Variants in NBEA observed in about 807,000 individuals in gnomAD.
NBEA encodes the protein lysosomal-trafficking regulator 2.
NBEA carries 44 observed loss-of-function variants against 343.4 expected under a neutral mutation model. That is an observed-to-expected ratio of 0.13 (90% CI 0.10 to 0.16). The LOEUF is 0.16. Among genes scored for constraint, NBEA ranks in the 10% least tolerant of loss-of-function variants. The pLI is 1.00. For synonymous variants in NBEA, 1,175 were observed against 1,238.7 expected (o/e 0.95, Z 1.08); for missense variants, 2,555 against 3,631.3 (o/e 0.70, Z 7.62).
chr13:34,952,293 T>C (rs1755058962), intron 1 of NBEA, among the ~76,000 whole-genome samples: 3 of 152,194 alleles, frequency 2.0e-5, no homozygotes, highest in South Asian at 2.1e-4. Flanking sequence ...ATAGACAACT[T>C]AGGACAGGCT....
chr13:35,305,349 T>G (rs887380141), intron 35 of NBEA, among the ~76,000 whole-genome samples: 7 of 152,230 alleles, frequency 4.6e-5, no homozygotes, highest in Non-Finnish European at 1.0e-4. Context: ...TGCCTCTGTC[T>G]TGTTTCAGTC....
intron 1 of NBEA, among the ~76,000 whole-genome samples, chr13:34,951,233 G>A (rs150215888): frequency 1.5e-3 from 221 of 152,036 alleles, no homozygotes; most frequent in Non-Finnish European, 2.0e-3. Context: ...TTCAACAATA[G>A]GAAAACATTA....
At chr13:35,197,765 G>T (rs1289751084) in intron 31 of NBEA, among the ~76,000 whole-genome samples, 1 of 152,162 alleles carries the variant, frequency 6.6e-6, no homozygotes, top group East Asian at 1.9e-4. Flanking sequence ...CTCCCAAAGT[G>T]CTAGGATTAC....
intron 36 of NBEA, among the ~76,000 whole-genome samples, chr13:35,341,605 A>G (rs567094834): frequency 1.8e-4 from 28 of 152,212 alleles, no homozygotes; most frequent in African/African-American, 6.5e-4. Flanking sequence ...CATTTCTCCA[A>G]AGAAGACATA....
chr13:34,948,334 C>T, intron 1 of NBEA, among the ~76,000 whole-genome samples: 1 of 150,950 alleles, frequency 6.6e-6, no homozygotes, highest in Non-Finnish European at 1.5e-5. Context: ...GGGTAGCGAG[C>T]CAGAGTAGGT....
At chr13:35,623,729 T>TA (rs2083099819) in intron 48 of NBEA, among the ~76,000 whole-genome samples, 1 of 152,108 alleles carries the variant, frequency 6.6e-6, no homozygotes, top group Non-Finnish European at 1.5e-5. Context: ...GAAAAATATT[T>TA]AAAATGTCAA....
intron 10 of NBEA, among the ~76,000 whole-genome samples, chr13:35,087,855 G>A (rs2064855952): frequency 1.3e-5 from 2 of 151,816 alleles, no homozygotes; most frequent in Admixed American, 6.6e-5. Context: ...TATATTTGAC[G>A]TACATTAGAG....
chr13:35,581,692 A>G, intron 45 of NBEA, among the ~76,000 whole-genome samples: 1 of 128,482 alleles, frequency 7.8e-6, no homozygotes, highest in Non-Finnish European at 1.6e-5. Flanking sequence ...ATGAGAACAC[A>G]TGGACACAGG....
chr13:35,076,483 T>C (rs543352556), intron 10 of NBEA, among the ~76,000 whole-genome samples: 12 of 152,202 alleles, frequency 7.9e-5, no homozygotes, highest in Admixed American at 3.9e-4. Context: ...AATTTTCAAA[T>C]AGCTTTTTCT....
intron 48 of NBEA, among the ~76,000 whole-genome samples, chr13:35,620,401 TG>T (rs1452360338): frequency 4.0e-5 from 6 of 151,818 alleles, no homozygotes; most frequent in Middle Eastern, 3.4e-3. Context: ...AAGAGCATGG[TG>T]GGCAAAGGGA....
chr13:35,625,161 C>G (rs190034352), intron 48 of NBEA, among the ~76,000 whole-genome samples: 1 of 152,162 alleles, frequency 6.6e-6, no homozygotes, highest in East Asian at 1.9e-4. Flanking sequence ...CTCTATAATT[C>G]AAGACAAAAC....
intron 31 of NBEA, among the ~76,000 whole-genome samples, chr13:35,208,047 C>T (rs2073512784): frequency 1.3e-5 from 2 of 151,966 alleles, no homozygotes; most frequent in African/African-American, 4.8e-5. Context: ...TAGTGAAACC[C>T]CGTCTCTACT....
intron 40 of NBEA, among the ~76,000 whole-genome samples, chr13:35,461,666 T>C (rs1403448034): frequency 2.0e-5 from 3 of 152,222 alleles, no homozygotes; most frequent in Non-Finnish European, 4.4e-5. Context: ...CTCTTCATTA[T>C]CTTGTCACTG....
intron 23 of NBEA, among the ~76,000 whole-genome samples, chr13:35,163,580 C>G (rs1197882345): frequency 6.7e-6 from 1 of 150,244 alleles, no homozygotes; most frequent in Non-Finnish European, 1.5e-5. Context: ...GATCCCACCA[C>G]TACACTCTAG....
intron 48 of NBEA, among the ~76,000 whole-genome samples, chr13:35,609,946 C>T (rs2082433553): frequency 6.6e-6 from 1 of 152,170 alleles, no homozygotes; most frequent in South Asian, 2.1e-4. Flanking sequence ...TAAAGGTCCT[C>T]AGTGATATCT....
chr13:35,368,007 T>A (rs1351857992), intron 38 of NBEA, among the ~76,000 whole-genome samples: 1 of 151,502 alleles, frequency 6.6e-6, no homozygotes, highest in Non-Finnish European at 1.5e-5. Context: ...TTCATTAAAT[T>A]TGATGTGTTA....
chr13:35,037,131 T>C (rs2062472057), intron 1 of NBEA, among the ~76,000 whole-genome samples: 1 of 152,224 alleles, frequency 6.6e-6, no homozygotes, highest in African/African-American at 2.4e-5. Context: ...ATAGCCTTTC[T>C]TCAAGCTCAT....
chr13:35,359,265 C>T (rs578009096), intron 38 of NBEA, among the ~76,000 whole-genome samples: 2 of 152,170 alleles, frequency 1.3e-5, no homozygotes, highest in Non-Finnish European at 2.9e-5. Context: ...TATAGCATCC[C>T]TTGGCTTTCT....
chr13:35,156,319 C>T (rs1358466081), intron 20 of NBEA, 113 bp downstream of exon 20: 1 of 1,040,664 alleles, frequency 9.6e-7, no homozygotes, highest in Non-Finnish European at 1.3e-6. Context: ...TTTTAATCAT[C>T]AGAAAAGGCA....
Sources: gnomAD v4.1 joint callset for allele counts (sites outside exome capture counted in the v4.1 genomes callset) on GRCh38, gnomAD v4.1.1 for gene constraint, MANE v1.5 for transcripts, NCBI Gene and HGNC (gene_info 2026-07-23, HGNC 2026-07-21) for gene names.